Variants in GPRIN3 observed in about 807,000 individuals in gnomAD.
The protein encoded by GPRIN3 is GPRIN family member 3.
In GPRIN3, 12 loss-of-function variants were observed where a neutral mutation model predicts 13.7. The observed-to-expected ratio is 0.87, with a 90% CI of 0.56 to 1.42. The LOEUF (loss-of-function observed/expected upper bound fraction) is 1.42, where lower values mean the gene tolerates loss of function less well. GPRIN3 is among the 40% of genes most tolerant of loss of function. The pLI is 0.00. For synonymous variants in GPRIN3, 377 were observed against 372.7 expected, an observed-to-expected ratio of 1.01 and a Z score of -0.13; for missense variants, 1,009 against 958.7, an observed-to-expected ratio of 1.05 and a Z score of -0.69.
At chr4:89,254,480 G>C (rs1218905361) in intron 1 of GPRIN3, among the ~76,000 whole-genome samples, 1 of 152,064 alleles carries the variant, frequency 6.6e-6, no homozygotes, top group Non-Finnish European at 1.5e-5. Context: ...TGAAGTATTT[G>C]ATTTTCTGTT....
chr4:89,251,581 T>A (rs1444669076), intron 1 of GPRIN3, among the ~76,000 whole-genome samples: 1 of 152,238 alleles, frequency 6.6e-6, no homozygotes. Flanking sequence ...AAAGTCATGA[T>A]GTAATTCTAC....
chr4:89,290,077 C>T (rs962020990), intron 1 of GPRIN3, among the ~76,000 whole-genome samples: 1 of 151,312 alleles, frequency 6.6e-6, no homozygotes, highest in South Asian at 2.1e-4. Context: ...ACATTAGACT[C>T]CAGCCTGGGC....
At chr4:89,262,903 A>G (rs147864954) in intron 1 of GPRIN3, among the ~76,000 whole-genome samples, 147 of 152,346 alleles carry the variant, frequency 9.6e-4, no homozygotes, top group African/African-American at 3.3e-3. Flanking sequence ...AAATCCAAAG[A>G]TGACCTAAGA....
chr4:89,243,011 C>G lies in GPRIN3; in HGVS notation c.*4769G>C, dbSNP rs1186208043. The G allele has an allele frequency of 6.6e-6, 1 of 152,150 alleles. No homozygotes were observed. The allele number at this position is 152,150 out of a possible 1,614,324, so 9.4% of individuals were successfully genotyped here. ...TTTGAGAGAGGTTATTTTGTTGTGG[C>G]AAGTGAGTAGTTTAGCTGGTGACTG... On this transcript the variant is annotated 3_prime_UTR_variant, in exon 2 of 2. Transcript: ENST00000609438.
chr4:89,266,455 T>C (rs1723782250), intron 1 of GPRIN3, among the ~76,000 whole-genome samples: 1 of 152,190 alleles, frequency 6.6e-6, no homozygotes, highest in South Asian at 2.1e-4. Flanking sequence ...TTTCACCACA[T>C]AATTTGACTA....
At chr4:89,271,495 A>G (rs1294296956) in intron 1 of GPRIN3, among the ~76,000 whole-genome samples, 1 of 152,096 alleles carries the variant, frequency 6.6e-6, no homozygotes, top group Non-Finnish European at 1.5e-5. Flanking sequence ...TGTATTTTAC[A>G]TTTTTTCTAG....
intron 1 of GPRIN3, among the ~76,000 whole-genome samples, chr4:89,266,152 T>C (rs1161729566): frequency 6.6e-6 from 1 of 152,230 alleles, no homozygotes; most frequent in East Asian, 1.9e-4. Context: ...CCAGTGATTC[T>C]ACCCCTTGGA....
At chr4:89,269,307 T>C (rs1338145405) in intron 1 of GPRIN3, among the ~76,000 whole-genome samples, 1 of 152,150 alleles carries the variant, frequency 6.6e-6, no homozygotes, top group East Asian at 1.9e-4. Context: ...TTCAGCAGGC[T>C]AGCCTGCTGA....
chr4:89,276,110 C>T (rs1027575377), intron 1 of GPRIN3, among the ~76,000 whole-genome samples: 3 of 152,134 alleles, frequency 2.0e-5, no homozygotes, highest in Non-Finnish European at 4.4e-5. Context: ...TTGTCCCTTG[C>T]CACACAGCAA....
chr4:89,254,804 T>C (rs908123154), intron 1 of GPRIN3, among the ~76,000 whole-genome samples: 1 of 152,186 alleles, frequency 6.6e-6, no homozygotes, highest in Non-Finnish European at 1.5e-5. Context: ...ATCTCCACAA[T>C]GTTTTCCACA....
intron 1 of GPRIN3, among the ~76,000 whole-genome samples, chr4:89,304,772 C>T (rs1232336346): frequency 6.6e-6 from 1 of 152,102 alleles, no homozygotes; most frequent in Non-Finnish European, 1.5e-5. Flanking sequence ...TTCTTTTCCC[C>T]TGAGCCCTAT....
intron 1 of GPRIN3, among the ~76,000 whole-genome samples, chr4:89,273,062 G>A (rs1724003357): frequency 6.6e-6 from 1 of 152,130 alleles, no homozygotes; most frequent in Admixed American, 6.5e-5. Context: ...GAAACACTCA[G>A]TAAATGCATT....
intron 1 of GPRIN3, among the ~76,000 whole-genome samples, chr4:89,288,627 A>G (rs1724488152): frequency 6.6e-6 from 1 of 152,166 alleles, no homozygotes; most frequent in Non-Finnish European, 1.5e-5. Context: ...TTTCAGAAAA[A>G]CAATATGCTC....
Position 89,248,479 on chromosome 4 carries a change from C to T in GPRIN3, c.1632G>A (p.Gln544=). 1 of 1,612,680 alleles carries T rather than the reference C, an allele frequency of 6.2e-7. No homozygotes were observed. Among genetic ancestry groups the T allele is most frequent in the Non-Finnish European group, 8.5e-7 (1 of 1,179,436 alleles). Residue 544 remains glutamine (Q), a synonymous_variant, in exon 2 of 2, where the codon CAG becomes CAA. Transcript: ENST00000609438. ...DAREKKPASP[Q]VVKEKESTGT... ...CAGTAGACTCTTTTTCTTTTACTAC[C>T]TGAGGAGATGCAGGCTTCTTTTCCC...
rs1236464723 is a variant in GPRIN3, at chr4:89,250,095, C to G, written c.16G>C (p.Asp6His). The change falls in exon 2 of 2, where the codon GAC becomes CAC. Residue 6 changes from aspartate to histidine, a missense_variant. By Grantham distance (81) the Asp-to-His change is moderately conservative (BLOSUM62 -1). Transcript: ENST00000609438. MGTVP[D>H]PLRSAKTSLI... ...GAAGTTTTAGCTGATCTCAGAGGGT[C>G]AGGTACAGTCCCCATGGAATTTCTC... The G allele has an allele frequency of 6.2e-7, 1 of 1,613,056 alleles. No homozygotes were observed. The highest frequency in any genetic ancestry group is 1.7e-5 in the Admixed American group (1 of 59,992).
intron 1 of GPRIN3, among the ~76,000 whole-genome samples, chr4:89,254,964 GAGA>G (rs1723427939): frequency 6.6e-6 from 1 of 152,192 alleles, no homozygotes. Flanking sequence ...AGGTGGCGCT[GAGA>G]AGAACTGTCC....
chr4:89,255,755 T>C (rs1385976644), intron 1 of GPRIN3, among the ~76,000 whole-genome samples: 1 of 152,206 alleles, frequency 6.6e-6, no homozygotes, highest in Non-Finnish European at 1.5e-5. Context: ...AACTGGACTC[T>C]GCAAAAGATG....
In GPRIN3 at chr4:89,247,868, C is replaced by T. The variant is rs778235540; in HGVS notation, c.2243G>A (p.Arg748Lys). ...DTSSNKKLRGRQHSVFQSMLQ... is the reference protein window; with the variant it reads ...DTSSNKKLRGKQHSVFQSMLQ... ...CATGGACTGGAAAACACTGTGCTGC[C>T]TTCCTCTGAGCTTCTTATTTGAAGA... is the stretch of plus-strand genomic sequence containing the variant. The change falls in exon 2 of 2, where the codon AGG becomes AAG. Residue 748 changes from arginine (R) to lysine (K), a missense_variant. Physicochemically the swap from Arg to Lys is conservative, Grantham distance 26. Coordinates refer to ENST00000609438, the MANE Select transcript of GPRIN3 (RefSeq NM_198281.3). 18 of 1,614,134 alleles carry T rather than the reference C, an allele frequency of 1.1e-5. No homozygotes were observed. The highest frequency in any genetic ancestry group is 1.5e-5 in the Non-Finnish European group (18 of 1,179,988).
Position 89,242,795 on chromosome 4 carries a change from G to A in GPRIN3, c.*4985C>T, listed in dbSNP as rs1722981006. On this transcript the variant is annotated 3_prime_UTR_variant, in exon 2 of 2. Transcript: ENST00000609438. ...CATTATTAGTATCTGAGATATTTGT[G>A]TCTTAAAAAAACTTGCAAATAACAT... The A allele has an allele frequency of 6.6e-6, 1 of 152,024 alleles. No individual in the cohort carries two copies. The highest frequency in any genetic ancestry group is 1.5e-5 in the Non-Finnish European group (1 of 68,000). 9.4% of individuals were successfully genotyped at this position (152,024 alleles called of 1,614,324 possible).
Sources: allele counts gnomAD v4.1 joint callset (sites outside exome capture counted in the v4.1 genomes callset), GRCh38; gene constraint gnomAD v4.1.1; transcripts MANE v1.5; gene names NCBI Gene and HGNC (gene_info 2026-07-23, HGNC 2026-07-21).